MYO3B: variants seen among roughly 807,000 people sequenced by gnomAD.
MYO3B encodes myosin IIIB, also known as myosin-IIIb.
In MYO3B, 156 loss-of-function variants were observed where a neutral mutation model predicts 174.6. That is an observed-to-expected ratio of 0.89 (90% CI 0.78 to 1.02). MYO3B has a LOEUF of 1.02. Among genes scored for constraint, MYO3B ranks in the 50% least tolerant of loss-of-function variants. The probability of loss-of-function intolerance (pLI) is 0.00; values close to 1 mark genes in which losing one functional copy is unlikely to be tolerated. For synonymous variants in MYO3B, 563 were observed against 569.1 expected (o/e 0.99, Z 0.15); for missense variants, 1,632 against 1,639.4 (o/e 1.00, Z 0.08).
In MYO3B at chr2:170,206,095, A is replaced by G. The variant is rs558965154; in HGVS notation, c.321+5811A>G. On this transcript the variant is annotated intron_variant, in intron 3 of 34. Coordinates refer to ENST00000408978, the MANE Select transcript of MYO3B (RefSeq NM_138995.5). The surrounding 1 kb of genome is among the most constrained non-coding windows in gnomAD (Gnocchi z 4.3). Reference sequence around the variant, plus strand: ...TCCTTTGTCCCAACAGTAGTAGAGTATTTAGAACTCATCACACACATGTAC... The same window carrying G: ...TCCTTTGTCCCAACAGTAGTAGAGTGTTTAGAACTCATCACACACATGTAC... Among the ~76,000 whole-genome samples, 1 of 152,190 alleles carries G rather than the reference A, an allele frequency of 6.6e-6. No homozygotes were observed. Among genetic ancestry groups the G allele is most frequent in the East Asian group, 1.9e-4 (1 of 5,186 alleles).
Position 170,389,773 on chromosome 2 carries a change from G to A in MYO3B, c.1578-1747G>A, listed in dbSNP as rs534022448. On this transcript the variant is annotated intron_variant, in intron 14 of 34. Transcript: ENST00000408978. The stretch of plus-strand genomic sequence containing the variant: ...GATGCTCAAGCTAGAAATCTAGGAG[G>A]CAGACTCTAGGTTTCTTTCCGTCAC... Among the ~76,000 whole-genome samples, 4 of 152,198 alleles carry A rather than the reference G, an allele frequency of 2.6e-5. No homozygotes were observed. In the East Asian group the frequency reaches 5.8e-4, roughly 22 times the overall value.
intron 9 of MYO3B, among the ~76,000 whole-genome samples, chr2:170,373,706 A>G (rs2094265519): frequency 6.6e-6 from 1 of 152,142 alleles, no homozygotes; most frequent in African/African-American, 2.4e-5. Context: ...GGGGCCTAAA[A>G]GGGAGGTTGA....
At chr2:170,229,640 A>G (rs2092992819) in intron 6 of MYO3B, among the ~76,000 whole-genome samples, 1 of 152,246 alleles carries the variant, frequency 6.6e-6, no homozygotes, top group Non-Finnish European at 1.5e-5. Flanking sequence ...ATTGGAAGAA[A>G]TTTCAGCCCA....
In MYO3B at chr2:170,236,013, A is replaced by G. The variant is rs752855574; in HGVS notation, c.626A>G (p.Tyr209Cys). Residue 209 changes from tyrosine to cysteine, a missense_variant, in exon 7 of 35, where the codon TAT becomes TGT. Coordinates refer to ENST00000408978, the MANE Select transcript of MYO3B (RefSeq NM_138995.5). ...APEVIACEQQ[Y>C]DSSYDARCDV... ...TAGGTCATTGCCTGTGAGCAGCAGT[A>G]TGACTCTTCCTATGACGCTCGCTGT... 2.5e-6 allele frequency: 4 copies of G among 1,614,130 alleles called. No homozygotes were observed. Among genetic ancestry groups the G allele is most frequent in the East Asian group, 4.5e-5 (2 of 44,876 alleles).
At chr2:170,589,365 G>A (rs960265111) in intron 32 of MYO3B, among the ~76,000 whole-genome samples, 5 of 152,178 alleles carry the variant, frequency 3.3e-5, no homozygotes, top group African/African-American at 1.2e-4. Context: ...GCCTCAGGCA[G>A]GTCCTTTAGG....
At chr2:170,319,975 A>C (rs989124284) in intron 7 of MYO3B, among the ~76,000 whole-genome samples, 1 of 152,202 alleles carries the variant, frequency 6.6e-6, no homozygotes, top group African/African-American at 2.4e-5. Context: ...AGATAAACAG[A>C]GGTTGAGAGA....
intron 30 of MYO3B, among the ~76,000 whole-genome samples, chr2:170,541,865 CT>C (rs1436626490): frequency 6.6e-6 from 1 of 152,132 alleles, no homozygotes; most frequent in Non-Finnish European, 1.5e-5. Context: ...TAGTCCCCTC[CT>C]TCCAGGTACT....
intron 22 of MYO3B, among the ~76,000 whole-genome samples, chr2:170,440,506 A>G (rs2094791566): frequency 6.6e-6 from 1 of 152,140 alleles, no homozygotes; most frequent in South Asian, 2.1e-4. Flanking sequence ...CCTTGATTAA[A>G]TTTATTCCTA....
intron 28 of MYO3B, among the ~76,000 whole-genome samples, chr2:170,503,338 A>G (rs904685464): frequency 6.6e-6 from 1 of 152,322 alleles, no homozygotes; most frequent in Non-Finnish European, 1.5e-5. Flanking sequence ...CTGCTTCATC[A>G]TCATGGATCA....
chr2:170,256,918 C>A (rs2093309506), intron 7 of MYO3B, among the ~76,000 whole-genome samples: 1 of 151,788 alleles, frequency 6.6e-6, no homozygotes, highest in African/African-American at 2.4e-5. Flanking sequence ...AGCTATCATG[C>A]AAATGAAAAA....
chr2:170,361,202 G>T (rs2094158028), intron 8 of MYO3B, among the ~76,000 whole-genome samples: 1 of 152,118 alleles, frequency 6.6e-6, no homozygotes, highest in African/African-American at 2.4e-5. Flanking sequence ...TTTAAGGTGT[G>T]ATCTCCCAGG....
Position 170,543,917 on chromosome 2 carries a change from T to C in MYO3B, c.3662T>C (p.Leu1221Pro), listed in dbSNP as rs1401896745. Residue 1221 changes from leucine to proline, a missense_variant, in exon 32 of 35, where the codon CTG becomes CCG. Physicochemically the swap from Leu to Pro is moderately conservative, Grantham distance 98. Transcript: ENST00000408978. ...NKHSVSGTDL[L>P]SSRICHPAPD... ...CACTCGGTTTCTGGGACTGATTTGC[T>C]GTCTTCTCGGATATGCCATCCTGCT... 1.9e-6 allele frequency: 3 copies of C among 1,613,298 alleles called. No individual in the cohort carries two copies. The highest frequency in any genetic ancestry group is 2.5e-6 in the Non-Finnish European group (3 of 1,179,336).
chr2:170,524,460 A>G (rs769509657), intron 30 of MYO3B: 11 of 423,698 alleles, frequency 2.6e-5, no homozygotes, highest in Non-Finnish European at 5.1e-5. Context: ...TTCATTAGCA[A>G]TTTCCTGGGC....
At chr2:170,199,954 T>A (rs892176361) in intron 2 of MYO3B, among the ~76,000 whole-genome samples, 196 bp from the exon 3 acceptor site, 2 of 152,292 alleles carry the variant, frequency 1.3e-5, no homozygotes, top group Middle Eastern at 3.4e-3. Context: ...GGTTGTAATA[T>A]TAGAATGTAA....
At chr2:170,472,348 C>A (rs921602545) in intron 25 of MYO3B, among the ~76,000 whole-genome samples, 1 of 152,156 alleles carries the variant, frequency 6.6e-6, no homozygotes, top group Non-Finnish European at 1.5e-5. Context: ...AGATCACACT[C>A]CAGCCAAAAT....
chr2:170,280,508 CCATGAAATTTTTGCCATGAAATTTTGT>C (rs971575906), intron 7 of MYO3B, among the ~76,000 whole-genome samples: 5 of 148,424 alleles, frequency 3.4e-5, no homozygotes, highest in Non-Finnish European at 6.1e-5. Flanking sequence ...GGCAATTTTG[CCATGAAATTTTTGCCATGAAATTTTGT>C]CATGAAATTT....
chr2:170,375,720 T>C (rs1369049762), intron 9 of MYO3B, among the ~76,000 whole-genome samples: 8 of 57,220 alleles, frequency 1.4e-4, no homozygotes, highest in East Asian at 5.1e-4. Context: ...TGTGCATGCA[T>C]GCACACACAC....
At chr2:170,447,802 G>A (rs1340707110) in intron 23 of MYO3B, among the ~76,000 whole-genome samples, 2 of 152,186 alleles carry the variant, frequency 1.3e-5, no homozygotes, top group Non-Finnish European at 1.5e-5. Context: ...GAGTTTTGAA[G>A]GATACTTTGG....
intron 25 of MYO3B, among the ~76,000 whole-genome samples, chr2:170,489,753 T>C (rs1686335910): frequency 6.6e-6 from 1 of 151,860 alleles, no homozygotes. Context: ...TTCTTCCTCG[T>C]CACGGGACTT....
Sources: gnomAD v4.1 joint callset for allele counts (sites outside exome capture counted in the v4.1 genomes callset) on GRCh38, gnomAD v4.1.1 for gene constraint, Gnocchi (gnomAD v3.1) non-coding constraint, MANE v1.5 for transcripts, NCBI Gene and HGNC (gene_info 2026-07-23, HGNC 2026-07-21) for gene names.